YTHDF1: variants seen among roughly 807,000 people sequenced by gnomAD.
YTHDF1 encodes the protein YTH domain-containing family protein 1.
YTHDF1 carries 16 observed loss-of-function variants against 49.1 expected under a neutral mutation model. The ratio of observed to expected loss-of-function variants is 0.33; its 90% CI spans 0.22 to 0.49. The LOEUF is 0.49. YTHDF1 is among the 20% of genes least tolerant of loss of function. The probability of loss-of-function intolerance (pLI) is 0.99; values close to 1 mark genes in which losing one functional copy is unlikely to be tolerated. For synonymous variants in YTHDF1, 313 were observed against 290.1 expected (o/e 1.08, Z -0.80); for missense variants, 621 against 744.3 (o/e 0.83, Z 1.93).
intron 3 of YTHDF1, among the ~76,000 whole-genome samples, chr20:63,207,833 C>T (rs545235940): frequency 2.6e-5 from 4 of 152,048 alleles, no homozygotes; most frequent in Admixed American, 2.0e-4. Context: ...GGTTAAACCC[C>T]GTCTCTACTA....
Position 63,196,483 on chromosome 20 carries a change from A to G in YTHDF1, c.*225T>C. On this transcript the variant is annotated 3_prime_UTR_variant, in exon 5 of 5. Transcript: ENST00000370339. ...TCACATTAGATCAGTCTGATTGATA[A>G]GCTGACAAAAAAAATACTCCTTTAT... 1 of 454,138 alleles carries G rather than the reference A, an allele frequency of 2.2e-6. No individual in the cohort carries two copies. Among genetic ancestry groups the G allele is most frequent in the Non-Finnish European group, 3.9e-6 (1 of 254,306 alleles). 28.1% of individuals were successfully genotyped at this position (454,138 alleles called of 1,614,324 possible).
At chr20:63,210,331 C>A (rs2066568157) in intron 3 of YTHDF1, among the ~76,000 whole-genome samples, 1 of 152,192 alleles carries the variant, frequency 6.6e-6, no homozygotes, top group Non-Finnish European at 1.5e-5. Context: ...TGCAGGAAGC[C>A]TGGGGGGCCA....
At chr20:63,213,715 C>T (rs1184761542) in intron 3 of YTHDF1, 149 bp downstream of exon 3, 19 of 707,010 alleles carry the variant, frequency 2.7e-5, no homozygotes, top group Non-Finnish European at 2.2e-6. Flanking sequence ...TAACAGGAGT[C>T]ACATCTTCAT....
At chr20:63,199,682 G>A (rs530244602) in intron 4 of YTHDF1, among the ~76,000 whole-genome samples, 4 of 152,326 alleles carry the variant, frequency 2.6e-5, no homozygotes, top group Admixed American at 2.6e-4. Context: ...CACCTTCGCA[G>A]GCAGGGAGAG....
Position 63,203,405 on chromosome 20 carries a change from C to T in YTHDF1, c.535G>A (p.Gly179Arg), listed in dbSNP as rs1164096354. 1.9e-6 allele frequency: 3 copies of T among 1,612,880 alleles called. No individual in the cohort carries two copies. Among genetic ancestry groups the T allele is most frequent in the Non-Finnish European group, 2.5e-6 (3 of 1,179,778 alleles). Reference sequence around the variant, plus strand: ...ATGCCCTGCTCCAGGCTGTTCATCCCGGGGGCCTTGCTGAGGGTGTCGCTG... The same window carrying T: ...ATGCCCTGCTCCAGGCTGTTCATCCTGGGGGCCTTGCTGAGGGTGTCGCTG... The part of the protein sequence containing the change: ...FHSDTLSKAP[G>R]MNSLEQGMVG... The change falls in exon 4 of 5, where the codon GGG becomes AGG. Residue 179 changes from glycine (G) to arginine (R), a missense_variant. By Grantham distance (125) the Gly-to-Arg change is moderately radical (BLOSUM62 -2). Coordinates refer to ENST00000370339, the MANE Select transcript of YTHDF1 (RefSeq NM_017798.4). This position sits in a 1 kb window ranked among gnomAD's most constrained non-coding sequence, Gnocchi z 4.4.
At chr20:63,215,692 G>A in intron 1 of YTHDF1, 91 bp from the exon 2 acceptor site, 1 of 1,457,782 alleles carries the variant, frequency 6.9e-7, no homozygotes, top group Non-Finnish European at 9.0e-7. Flanking sequence ...GTCTCCAACG[G>A]GCCGCGAGCT....
At chr20:63,212,499 A>T (rs1176434770) in intron 3 of YTHDF1, among the ~76,000 whole-genome samples, 1 of 152,220 alleles carries the variant, frequency 6.6e-6, no homozygotes, top group East Asian at 1.9e-4. Context: ...ATCACAGCAC[A>T]CGAAATGGAG....
chr20:63,214,775 G>A (rs1033737388), intron 2 of YTHDF1, among the ~76,000 whole-genome samples: 24 of 152,180 alleles, frequency 1.6e-4, no homozygotes, highest in African/African-American at 5.3e-4. Flanking sequence ...GAATTTCCTT[G>A]TGGGCAAACT....
chr20:63,212,849 G>C (rs1174574976), intron 3 of YTHDF1, among the ~76,000 whole-genome samples: 2 of 152,152 alleles, frequency 1.3e-5, no homozygotes, highest in Non-Finnish European at 2.9e-5. Context: ...AAGCCAGGGA[G>C]GCTGCTAAAC....
rs532813932 is a variant in YTHDF1 at position 63,202,953 on chromosome 20, A to G, written c.987T>C (p.Val329=). 30 of 1,614,004 alleles carry G rather than the reference A, an allele frequency of 1.9e-5. 1 individual carries two copies. The South Asian group carries it at 2.2e-4, about 12-fold the overall frequency. ...SPQQPPQTRW[V]APRNRNAAFG... is the part of the protein sequence containing the mutation. ...ACGCCGCGTTTCTGTTGCGTGGGGC[A>G]ACCCAGCGGGTCTGGGGTGGCTGCT... is the stretch of plus-strand genomic sequence containing the variant. Residue 329 remains valine, a synonymous_variant, in exon 4 of 5, where the codon GTT becomes GTC. Coordinates refer to ENST00000370339, the MANE Select transcript of YTHDF1 (RefSeq NM_017798.4).
intron 3 of YTHDF1, among the ~76,000 whole-genome samples, chr20:63,204,933 C>T (rs1568992370): frequency 1.3e-5 from 2 of 151,936 alleles, no homozygotes; most frequent in African/African-American, 2.4e-5. Flanking sequence ...GTACACAGGC[C>T]GGTGAGACGG....
At chr20:63,215,247 G>A (rs913570200) in intron 2 of YTHDF1, among the ~76,000 whole-genome samples, 2 of 152,192 alleles carry the variant, frequency 1.3e-5, no homozygotes, top group African/African-American at 4.8e-5. Context: ...TCCTAGAGCA[G>A]CCCCTGCTGG....
chr20:63,214,120 G>A (rs778292943), intron 2 of YTHDF1, 177 bp from the exon 3 acceptor site: 11 of 973,024 alleles, frequency 1.1e-5, no homozygotes, highest in Admixed American at 6.2e-5. Context: ...GAAGGGGGAC[G>A]GGAAACTTTC....
At chr20:63,207,713 T>C (rs939674875) in intron 3 of YTHDF1, among the ~76,000 whole-genome samples, 10 of 151,470 alleles carry the variant, frequency 6.6e-5, no homozygotes, top group African/African-American at 2.2e-4. Flanking sequence ...GAAGAAAGGC[T>C]AACACATTTT....
At chr20:63,206,094 A>C (rs2066544675) in intron 3 of YTHDF1, among the ~76,000 whole-genome samples, 1 of 152,174 alleles carries the variant, frequency 6.6e-6, no homozygotes, top group African/African-American at 2.4e-5. Context: ...AGGTGCCTTC[A>C]AGGACGGCAG....
chr20:63,215,684 C>A lies in YTHDF1; in HGVS notation c.28-83G>T. 2.0e-6 allele frequency: 3 copies of A among 1,474,752 alleles called. No homozygotes were observed. The South Asian group carries it at 4.2e-5, about 21-fold the overall frequency. The allele number at this position is 1,474,752 out of a possible 1,614,324, so 91.4% of individuals were successfully genotyped here. A position where few individuals can be genotyped will look rare whatever the true frequency, so the allele number is the denominator to read the frequency against. ...CAAAGTTATTCACCAGAGAACTGGT[C>A]TCCAACGGGCCGCGAGCTCCGCCGG... On this transcript the variant is annotated intron_variant, in intron 1 of 4. Transcript: ENST00000370339.
At chr20:63,213,441 G>A (rs1353089829) in intron 3 of YTHDF1, among the ~76,000 whole-genome samples, 3 of 152,144 alleles carry the variant, frequency 2.0e-5, no homozygotes, top group South Asian at 2.1e-4. Flanking sequence ...TCAAAAAAAG[G>A]ACTGAAACCC....
chr20:63,196,774 A>G (rs762178750), intron 4 of YTHDF1, 40 bp from the exon 5 acceptor site: 7 of 1,612,362 alleles, frequency 4.3e-6, no homozygotes, highest in Non-Finnish European at 5.9e-6. Context: ...CAGAGTAACC[A>G]CACCAATGAA....
chr20:63,215,444 C>G, intron 2 of YTHDF1, 133 bp downstream of exon 2: 1 of 1,232,668 alleles, frequency 8.1e-7, no homozygotes, highest in Non-Finnish European at 1.2e-6. Flanking sequence ...AATCGTCGCA[C>G]AACCTCAAGT....
Sources: gnomAD v4.1 joint callset for allele counts (sites outside exome capture counted in the v4.1 genomes callset) on GRCh38, gnomAD v4.1.1 for gene constraint, Gnocchi (gnomAD v3.1) non-coding constraint, MANE v1.5 for transcripts, NCBI Gene and HGNC (gene_info 2026-07-23, HGNC 2026-07-21) for gene names.